The following MYO16 variants were observed in gnomAD, a reference collection of about 807,000 sequenced individuals.
The protein encoded by MYO16 is myosin XVI, also known as unconventional myosin-XVI.
Under a neutral mutation model 205.3 loss-of-function variants are expected in MYO16, and 94 were observed. That is an observed-to-expected ratio of 0.46 (90% CI 0.39 to 0.54). MYO16 has a LOEUF of 0.54. Among genes scored for constraint, MYO16 ranks in the 20% least tolerant of loss-of-function variants. The pLI, the probability that MYO16 is intolerant of heterozygous loss-of-function variation, is 0.00. For missense variants in MYO16, 2,315 were observed against 2,387.5 expected (o/e 0.97, Z 0.63); for synonymous variants, 988 against 954.0 (o/e 1.04, Z -0.66).
At chr13:108,997,338 A>AAGAGAGAG (rs869174444) in intron 21 of MYO16, among the ~76,000 whole-genome samples, 8 of 5,536 alleles carry the variant, frequency 1.4e-3, no homozygotes, top group African/African-American at 5.6e-3. Context: ...GAAAGAAAGA[A>AAGAGAGAG]AGAGAGAGAG....
intron 27 of MYO16, among the ~76,000 whole-genome samples, chr13:109,071,660 G>C (rs910829337): frequency 2.0e-5 from 3 of 152,076 alleles, no homozygotes; most frequent in Non-Finnish European, 2.9e-5. Flanking sequence ...ATTAGATTTG[G>C]TAAATCAGTG....
chr13:108,631,091 C>T (rs567591840), intron 1 of MYO16, among the ~76,000 whole-genome samples: 2 of 152,198 alleles, frequency 1.3e-5, no homozygotes, highest in East Asian at 3.9e-4. Context: ...TCTGTTAACT[C>T]TTGGGGTTAT....
chr13:109,121,765 G>T (rs1296399469), intron 29 of MYO16, among the ~76,000 whole-genome samples: 1 of 152,180 alleles, frequency 6.6e-6, no homozygotes, highest in Non-Finnish European at 1.5e-5. Context: ...AAGATCTCTG[G>T]GTGGCCTCCT....
chr13:108,735,079 T>C (rs1884644335), intron 4 of MYO16, among the ~76,000 whole-genome samples: 1 of 152,150 alleles, frequency 6.6e-6, no homozygotes, highest in East Asian at 1.9e-4. Context: ...AGAGCCAAGA[T>C]GTATAGAGAG....
At chr13:108,630,357 T>G (rs1289897785) in intron 1 of MYO16, among the ~76,000 whole-genome samples, 1 of 152,254 alleles carries the variant, frequency 6.6e-6, no homozygotes, top group East Asian at 1.9e-4. Flanking sequence ...TGTAAACTTT[T>G]GTCCTTGTAT....
intron 9 of MYO16, among the ~76,000 whole-genome samples, chr13:108,828,064 T>TG (rs1399986524): frequency 2.0e-5 from 3 of 152,130 alleles, no homozygotes. Context: ...TACCAGGTGT[T>TG]GAATCTTGAG....
At chr13:108,699,453 G>A (rs975904838) in intron 2 of MYO16, among the ~76,000 whole-genome samples, 4 of 152,144 alleles carry the variant, frequency 2.6e-5, no homozygotes, top group South Asian at 2.1e-4. Context: ...ATAAAAAAGA[G>A]CATTTTAAAC....
At position 108,942,055 on chromosome 13, in the gene MYO16, C is replaced by T. The variant is rs552944130; in HGVS notation, c.1926-15633C>T. 1.3e-5 allele frequency among the ~76,000 whole-genome samples: 2 copies of T among 152,224 alleles called. 1 individual carries two copies. Among genetic ancestry groups the T allele is most frequent in the African/African-American group, 4.8e-5 (2 of 41,532 alleles). ...ATTGGCACAAATATAATTGTATTTGCAGTATAGTATATACAATTCTGCACT... is the reference window on the plus strand; with the variant it reads ...ATTGGCACAAATATAATTGTATTTGTAGTATAGTATATACAATTCTGCACT... On this transcript the variant is annotated intron_variant, in intron 16 of 34. Coordinates refer to ENST00000457511, the MANE Select transcript of MYO16 (RefSeq NM_001198950.3).
chr13:108,624,781 CTGAGTGTGTGTGTGTGTGTGTG>C (rs1157848814), upstream of MYO16, among the ~76,000 whole-genome samples: 3 of 121,638 alleles, frequency 2.5e-5, no homozygotes, highest in Admixed American at 8.3e-5. Context: ...CCCATATAGC[CTGAGTGTGTGTGTGTGTGTGTG>C]TGTGTGTGTG....
At chr13:108,778,781 A>G (rs1392717184) in intron 4 of MYO16, among the ~76,000 whole-genome samples, 1 of 152,204 alleles carries the variant, frequency 6.6e-6, no homozygotes, top group Admixed American at 6.5e-5. Context: ...ACACAATTAC[A>G]TTAAATTTTG....
At chr13:109,048,249 C>G in intron 24 of MYO16, 1 of 634,800 alleles carries the variant, frequency 1.6e-6, no homozygotes, top group South Asian at 1.9e-5. Flanking sequence ...TTAATAGAGT[C>G]CCTGTATTTT....
At chr13:108,543,767 C>A in the MYO16 span, among the ~76,000 whole-genome samples, 1 of 121,144 alleles carries the variant, frequency 8.3e-6, no homozygotes, top group African/African-American at 3.2e-5. Flanking sequence ...TAATCACACA[C>A]TTAAAGAGCA....
intron 4 of MYO16, among the ~76,000 whole-genome samples, chr13:108,762,473 G>T (rs998230457): frequency 6.6e-6 from 1 of 152,156 alleles, no homozygotes; most frequent in Non-Finnish European, 1.5e-5. Flanking sequence ...AAGGTGTAAA[G>T]TTCCCTTATC....
In MYO16 at chr13:109,140,820, G is replaced by A; in HGVS notation, c.4608G>A (p.Leu1536=). ...PASDESPLTP[L]EVKKLPVLET... is the part of the protein sequence containing the mutation. ...CCGACGAGTCGCCCCTGACACCCCT[G>A]GAGGTGAAGAAGCTGCCAGTCCTGG... The change falls in exon 32 of 35, where the codon CTG becomes CTA. Residue 1536 remains leucine, a synonymous_variant. Coordinates refer to ENST00000457511, the MANE Select transcript of MYO16 (RefSeq NM_001198950.3). This position sits in a 1 kb window ranked among gnomAD's most constrained non-coding sequence, Gnocchi z 8.0. The A allele has an allele frequency of 6.3e-7, 1 of 1,591,578 alleles. No homozygotes were observed. Among genetic ancestry groups the A allele is most frequent in the Non-Finnish European group, 8.5e-7 (1 of 1,171,476 alleles).
At chr13:109,019,640 G>A (rs1011423456) in intron 22 of MYO16, 71 bp from the exon 23 acceptor site, 7 of 1,224,720 alleles carry the variant, frequency 5.7e-6, no homozygotes, top group South Asian at 2.9e-5. Flanking sequence ...AAGCAAGCAT[G>A]CTTGAATAAT....
the MYO16 span, among the ~76,000 whole-genome samples, chr13:108,560,449 A>G: frequency 2.0e-5 from 3 of 152,254 alleles, no homozygotes; most frequent in Non-Finnish European, 4.4e-5. Flanking sequence ...AATAGACATT[A>G]TAAATATGAT....
chr13:108,949,689 A>G (rs1883068533), intron 16 of MYO16, among the ~76,000 whole-genome samples: 1 of 152,200 alleles, frequency 6.6e-6, no homozygotes, highest in Non-Finnish European at 1.5e-5. Context: ...ATTTGTATGT[A>G]AAGGCACAGA....
chr13:108,684,961 T>C (rs1294882140), intron 2 of MYO16, among the ~76,000 whole-genome samples: 1 of 152,004 alleles, frequency 6.6e-6, no homozygotes, highest in Non-Finnish European at 1.5e-5. Context: ...AGTGTTTCCC[T>C]GAGTTCTGGG....
At chr13:109,095,163 A>G (rs572614383) in intron 27 of MYO16, among the ~76,000 whole-genome samples, 1 of 152,370 alleles carries the variant, frequency 6.6e-6, no homozygotes, top group African/African-American at 2.4e-5. Context: ...CTGTCTGGAA[A>G]GGCTCATGTT....
Sources: gnomAD v4.1 joint callset for allele counts (sites outside exome capture counted in the v4.1 genomes callset) on GRCh38, gnomAD v4.1.1 for gene constraint, Gnocchi (gnomAD v3.1) non-coding constraint, MANE v1.5 for transcripts, NCBI Gene and HGNC (gene_info 2026-07-23, HGNC 2026-07-21) for gene names.